Variants in ACVR2A observed in about 807,000 individuals in gnomAD.
The protein encoded by ACVR2A is activin A receptor type 2A.
Under a neutral mutation model 61.4 loss-of-function variants are expected in ACVR2A, and 7 were observed. The observed-to-expected ratio is 0.11, with a 90% CI of 0.06 to 0.21. The LOEUF (loss-of-function observed/expected upper bound fraction) is 0.21, where lower values mean the gene tolerates loss of function less well. ACVR2A is among the 10% of genes least tolerant of loss of function. ACVR2A has a pLI of 1.00. For synonymous variants in ACVR2A, 193 were observed against 208.3 expected (o/e 0.93, Z 0.63); for missense variants, 322 against 621.7 (o/e 0.52, Z 5.13).
At chr2:147,881,348 C>A (rs1686293575) in intron 1 of ACVR2A, among the ~76,000 whole-genome samples, 1 of 152,040 alleles carries the variant, frequency 6.6e-6, no homozygotes, top group Non-Finnish European at 1.5e-5. Flanking sequence ...TATATTTCTT[C>A]CCAAAAAGAT....
At chr2:147,921,922 T>A (rs557968504) in intron 8 of ACVR2A, among the ~76,000 whole-genome samples, 1 of 152,202 alleles carries the variant, frequency 6.6e-6, no homozygotes, top group South Asian at 2.1e-4. Context: ...TCAGAAATAT[T>A]TGGAGGGACT....
Position 147,915,346 on chromosome 2 carries a change from G to T in ACVR2A, c.672+12G>T. The T allele has an allele frequency of 6.2e-7, 1 of 1,610,342 alleles. No homozygotes were observed. Among genetic ancestry groups the T allele is most frequent in the Non-Finnish European group, 8.5e-7 (1 of 1,177,708 alleles). ...TATTTCCAATACAGGTATGTTTATT[G>T]CAGTTTTGTCATCTTACATACATGT... On this transcript the variant is annotated intron_variant, in intron 5 of 10. Coordinates refer to ENST00000241416, the MANE Select transcript of ACVR2A (RefSeq NM_001616.5).
At chr2:147,871,041 C>T (rs117623581) in intron 1 of ACVR2A, among the ~76,000 whole-genome samples, 455 of 151,924 alleles carry the variant, frequency 3.0e-3, no homozygotes, top group East Asian at 8.3e-3. Flanking sequence ...TGCAGATTCC[C>T]CAAGGGCAGA....
intron 1 of ACVR2A, among the ~76,000 whole-genome samples, chr2:147,849,683 A>T (rs1346070940): frequency 1.3e-5 from 2 of 152,206 alleles, no homozygotes; most frequent in African/African-American, 4.8e-5. Flanking sequence ...TGAAACTCTT[A>T]GCAAATTAAG....
At chr2:147,908,003 C>T (rs1292909725) in intron 4 of ACVR2A, among the ~76,000 whole-genome samples, 3 of 141,254 alleles carry the variant, frequency 2.1e-5, no homozygotes, top group African/African-American at 5.3e-5. Flanking sequence ...CATGCTACTG[C>T]ACTCTAGCCT....
Position 147,920,380 on chromosome 2 carries a change from A to G in ACVR2A, c.1077+36A>G, listed in dbSNP as rs145536659. On this transcript the variant is annotated intron_variant, in intron 8 of 10. Transcript: ENST00000241416. ...TGATTATAAAATGTAAGAAAAAATA[A>G]ACTTGTTCCATATTTTCTTAGAATG... The G allele has an allele frequency of 1.2e-4, 186 of 1,493,666 alleles. No individual in the cohort carries two copies. In the African/African-American group the frequency reaches 2.2e-3, roughly 18 times the overall value. 92.5% of individuals were successfully genotyped at this position (1,493,666 alleles called of 1,614,324 possible).
chr2:147,907,503 T>C (rs1051653207), intron 4 of ACVR2A, among the ~76,000 whole-genome samples: 2 of 152,184 alleles, frequency 1.3e-5, no homozygotes, highest in Admixed American at 1.3e-4. Context: ...CCAGCACCTG[T>C]TGTTTCTTGA....
chr2:147,850,189 C>T (rs1252355313), intron 1 of ACVR2A, among the ~76,000 whole-genome samples: 3 of 152,162 alleles, frequency 2.0e-5, no homozygotes, highest in African/African-American at 4.8e-5. Flanking sequence ...ACTCCCTTTT[C>T]TTCCCCTGAC....
At position 147,916,017 on chromosome 2, in the gene ACVR2A, C is replaced by T. The variant is rs140074741; in HGVS notation, c.672+683C>T. ...GATACCCTTGGTACTGACGTCTTGG[C>T]TGGATTTGGTGTTGCAGGCTCTACC... On this transcript the variant is annotated intron_variant, in intron 5 of 10. Coordinates refer to ENST00000241416, the MANE Select transcript of ACVR2A (RefSeq NM_001616.5). Among the ~76,000 whole-genome samples, 1,096 of 151,928 alleles carry T rather than the reference C, an allele frequency of 7.2e-3. 13 individuals are homozygous for T. Among genetic ancestry groups the T allele is most frequent in the African/African-American group, 0.025 (1,029 of 41,512 alleles).
At chr2:147,867,515 C>G (rs1239326442) in intron 1 of ACVR2A, among the ~76,000 whole-genome samples, 2 of 151,988 alleles carry the variant, frequency 1.3e-5, no homozygotes, top group Non-Finnish European at 2.9e-5. Flanking sequence ...TTTCCATTAC[C>G]AATGTGTTAG....
intron 10 of ACVR2A, 63 bp downstream of exon 10, chr2:147,926,224 T>C: frequency 6.4e-7 from 1 of 1,557,600 alleles, no homozygotes; most frequent in Non-Finnish European, 8.7e-7. Flanking sequence ...AGGAATTATT[T>C]ATCTCTGCAC....
chr2:147,889,903 A>G (rs1040176263), intron 1 of ACVR2A, among the ~76,000 whole-genome samples: 1 of 151,698 alleles, frequency 6.6e-6, no homozygotes, highest in East Asian at 1.9e-4. Flanking sequence ...GAACTATTAT[A>G]TAAATTAACT....
At chr2:147,914,873 G>A (rs1334165047) in intron 4 of ACVR2A, among the ~76,000 whole-genome samples, 1 of 151,946 alleles carries the variant, frequency 6.6e-6, no homozygotes, top group African/African-American at 2.4e-5. Context: ...ATTGTTAGGA[G>A]TATTTCGTAG....
chr2:147,845,083 C>T lies in ACVR2A; in HGVS notation c.-70C>T. 2 of 1,178,988 alleles carry T rather than the reference C, an allele frequency of 1.7e-6. No homozygotes were observed. The highest frequency in any genetic ancestry group is 1.2e-5 in the South Asian group (1 of 83,884). 73.0% of individuals were successfully genotyped at this position (1,178,988 alleles called of 1,614,324 possible). On this transcript the variant is annotated 5_prime_UTR_variant, in exon 1 of 11. Coordinates refer to ENST00000241416, the MANE Select transcript of ACVR2A (RefSeq NM_001616.5). ...GTTGATTTTACACCAGGAGGTTTGT[C>T]TCCGAGGAAGACCCAGGGAACTGGA... is the stretch of plus-strand genomic sequence containing the variant.
chr2:147,871,864 C>T (rs1043563550), intron 1 of ACVR2A, among the ~76,000 whole-genome samples: 1 of 152,048 alleles, frequency 6.6e-6, no homozygotes, highest in Non-Finnish European at 1.5e-5. Flanking sequence ...TCTGCTCATT[C>T]TCTTCTCTTG....
chr2:147,902,714 A>C (rs568167528), intron 4 of ACVR2A: 1 of 152,086 alleles, frequency 6.6e-6, no homozygotes, highest in South Asian at 2.1e-4. Context: ...TCTGTGCTTG[A>C]GTTGATACTG....
intron 1 of ACVR2A, among the ~76,000 whole-genome samples, chr2:147,894,330 A>G (rs182930824): frequency 6.6e-6 from 1 of 152,222 alleles, no homozygotes; most frequent in Non-Finnish European, 1.5e-5. Flanking sequence ...CTTTTTCAGA[A>G]TTATTTTGGG....
intron 1 of ACVR2A, among the ~76,000 whole-genome samples, chr2:147,866,943 A>G (rs1033778831): frequency 5.3e-5 from 8 of 152,202 alleles, no homozygotes; most frequent in African/African-American, 1.9e-4. Flanking sequence ...ACTCTGGGGA[A>G]TGCTGTCATT....
At chr2:147,847,192 T>C (rs1225486339) in intron 1 of ACVR2A, among the ~76,000 whole-genome samples, 3 of 152,144 alleles carry the variant, frequency 2.0e-5, no homozygotes, top group Non-Finnish European at 2.9e-5. Context: ...AATATTATGT[T>C]GTTGCATAGG....
Sources: allele counts gnomAD v4.1 joint callset (sites outside exome capture counted in the v4.1 genomes callset), GRCh38; gene constraint gnomAD v4.1.1; transcripts MANE v1.5; gene names NCBI Gene and HGNC (gene_info 2026-07-23, HGNC 2026-07-21).